PEPD: variants seen among roughly 807,000 people sequenced by gnomAD.
PEPD encodes xaa-Pro dipeptidase.
Under a neutral mutation model 60.7 loss-of-function variants are expected in PEPD, and 53 were observed. The observed-to-expected ratio is 0.87, with a 90% confidence interval of 0.70 to 1.10. The LOEUF is 1.10. Among genes scored for constraint, PEPD ranks in the 50% least tolerant of loss-of-function variants. The probability of loss-of-function intolerance (pLI) is 0.00; values close to 1 mark genes in which losing one functional copy is unlikely to be tolerated. For synonymous variants in PEPD, 267 were observed against 284.1 expected, an observed-to-expected ratio of 0.94 and a Z score of 0.60; for missense variants, 711 against 711.9, an observed-to-expected ratio of 1.00 and a Z score of 0.01.
chr19:33,395,306 GC>G, intron 12 of PEPD, among the ~76,000 whole-genome samples: 1 of 152,300 alleles, frequency 6.6e-6, no homozygotes, highest in South Asian at 2.1e-4. Flanking sequence ...CAAGGGTGGT[GC>G]CCGTACTCTG....
At chr19:33,469,688 C>T (rs1970087769) in intron 7 of PEPD, among the ~76,000 whole-genome samples, 1 of 152,162 alleles carries the variant, frequency 6.6e-6, no homozygotes, top group Non-Finnish European at 1.5e-5. Flanking sequence ...GAAACAGCTT[C>T]CTCTACAAGT....
At chr19:33,510,134 G>A (rs73041146) in intron 3 of PEPD, among the ~76,000 whole-genome samples, 6,029 of 152,276 alleles carry the variant, frequency 0.04, 155 homozygotes, top group Non-Finnish European at 0.06. Context: ...TTTCACAGAC[G>A]GAGAAGCTAG....
chr19:33,438,696 T>C (rs1050788585), intron 9 of PEPD, among the ~76,000 whole-genome samples: 7 of 152,200 alleles, frequency 4.6e-5, no homozygotes, highest in Non-Finnish European at 1.0e-4. Context: ...TACCAACCAA[T>C]GGCAACCCTG....
intron 9 of PEPD, among the ~76,000 whole-genome samples, chr19:33,461,158 C>T (rs113774732): frequency 1.3e-5 from 2 of 152,176 alleles, no homozygotes; most frequent in African/African-American, 4.8e-5. Context: ...AACTGGAATA[C>T]CTACTGAGGT....
At position 33,512,748 on chromosome 19, in the gene PEPD, G is replaced by C; in HGVS notation, c.46C>G (p.Leu16Val). ...GPSFWLGNET[L>V]KVPLALFALN... is the part of the protein sequence containing the mutation. ...GCAAAGAGCGCCAGCGGCACCTTCA[G>C]GGTTTCATTCCCCAGCCAAAACGAG... is the stretch of plus-strand genomic sequence containing the variant. Residue 16 changes from leucine (L) to valine (V), a missense_variant, in exon 2 of 15, where the codon CTG (leucine) becomes GTG (valine). Physicochemically the swap from Leu to Val is conservative, Grantham distance 32. Coordinates refer to ENST00000244137, the MANE Select transcript of PEPD (RefSeq NM_000285.4). The C allele has an allele frequency of 6.2e-7, 1 of 1,614,140 alleles. No individual in the cohort carries two copies. The highest frequency in any genetic ancestry group is 1.6e-4 in the Middle Eastern group (1 of 6,062).
At chr19:33,448,607 G>C (rs1969637355) in intron 9 of PEPD, among the ~76,000 whole-genome samples, 1 of 151,834 alleles carries the variant, frequency 6.6e-6, no homozygotes, top group Admixed American at 6.6e-5. Flanking sequence ...TCTTTTGATA[G>C]AGATGCTGGT....
intron 9 of PEPD, among the ~76,000 whole-genome samples, chr19:33,441,437 C>T (rs1179293657): frequency 6.6e-6 from 1 of 152,232 alleles, no homozygotes; most frequent in Non-Finnish European, 1.5e-5. Flanking sequence ...GGAAATACGG[C>T]CGCCTGCAAG....
chr19:33,410,633 G>C (rs1968742243), intron 11 of PEPD, among the ~76,000 whole-genome samples: 1 of 152,100 alleles, frequency 6.6e-6, no homozygotes, highest in Non-Finnish European at 1.5e-5. Context: ...AGGCAGCCCA[G>C]CTGGGCGCCA....
chr19:33,519,997 G>A (rs1041687876), intron 1 of PEPD, among the ~76,000 whole-genome samples: 1 of 151,914 alleles, frequency 6.6e-6, no homozygotes, highest in African/African-American at 2.4e-5. Flanking sequence ...AACCTGGGAG[G>A]TGGAGGTTGC....
intron 11 of PEPD, among the ~76,000 whole-genome samples, chr19:33,411,242 G>A (rs1968761772): frequency 6.6e-6 from 1 of 152,208 alleles, no homozygotes; most frequent in Non-Finnish European, 1.5e-5. Context: ...GAGGATGGCA[G>A]GTTTCAGAGC....
intron 9 of PEPD, among the ~76,000 whole-genome samples, chr19:33,444,027 G>T (rs1408953644): frequency 6.6e-6 from 1 of 152,216 alleles, no homozygotes; most frequent in South Asian, 2.1e-4. Flanking sequence ...TGAGAAGAGT[G>T]TGTAATGGGT....
Position 33,402,779 on chromosome 19 carries a change from C to T in PEPD, c.819-910G>A, listed in dbSNP as rs1297867129. Among the ~76,000 whole-genome samples the T allele has an allele frequency of 4.6e-5, 7 of 152,132 alleles. No individual in the cohort carries two copies. The South Asian group carries it at 8.3e-4, about 18-fold the overall frequency. Reference sequence around the variant, plus strand: ...GGGCAGAGGTGCCAGCTGTCCAGGACGGGAGGGGCCTGGGGGCCAGCAGAG... The same window carrying T: ...GGGCAGAGGTGCCAGCTGTCCAGGATGGGAGGGGCCTGGGGGCCAGCAGAG... On this transcript the variant is annotated intron_variant, in intron 11 of 14. Coordinates refer to ENST00000244137, the MANE Select transcript of PEPD (RefSeq NM_000285.4).
At chr19:33,465,697 C>T (rs1366348261) in intron 7 of PEPD, among the ~76,000 whole-genome samples, 1 of 152,160 alleles carries the variant, frequency 6.6e-6, no homozygotes. Flanking sequence ...GGAACCCAAC[C>T]TAGAACAGGT....
intron 6 of PEPD, among the ~76,000 whole-genome samples, chr19:33,483,425 C>T (rs1438718120): frequency 6.6e-6 from 1 of 152,154 alleles, no homozygotes; most frequent in African/African-American, 2.4e-5. Context: ...CTGTGTGACA[C>T]AGAGCTCAAG....
At chr19:33,432,010 A>AAAAAAAAAAAAAAAAAAAAAAAAAAG (rs1031542443) in intron 9 of PEPD, among the ~76,000 whole-genome samples, 4 of 147,602 alleles carry the variant, frequency 2.7e-5, no homozygotes, top group African/African-American at 1.0e-4. Flanking sequence ...AAAAAAAAAA[A>AAAAAAAAAAAAAAAAAAAAAAAAAAG]GGGAAGATTA....
rs372789699 is a variant in PEPD, at chr19:33,513,197, C to T, written c.18-421G>A. Reference sequence around the variant, plus strand: ...CCCTACCAGGCAGGCCCCTGGCTCCCGGCTCAACCTCCCTGCTAGAGGCCA... The same window carrying T: ...CCCTACCAGGCAGGCCCCTGGCTCCTGGCTCAACCTCCCTGCTAGAGGCCA... On this transcript the variant is annotated intron_variant, in intron 1 of 14. Coordinates refer to ENST00000244137, the MANE Select transcript of PEPD (RefSeq NM_000285.4). Among the ~76,000 whole-genome samples, 10 of 152,144 alleles carry T rather than the reference C, an allele frequency of 6.6e-5. No homozygotes were observed. In the East Asian group the frequency reaches 7.7e-4, roughly 12 times the overall value.
At chr19:33,454,148 G>C (rs899975926) in intron 9 of PEPD, among the ~76,000 whole-genome samples, 1 of 152,122 alleles carries the variant, frequency 6.6e-6, no homozygotes, top group Non-Finnish European at 1.5e-5. Flanking sequence ...CGCAATGCCA[G>C]AAAGGAAGGG....
intron 11 of PEPD, among the ~76,000 whole-genome samples, chr19:33,402,497 T>C (rs1968520869): frequency 6.6e-6 from 1 of 152,152 alleles, no homozygotes; most frequent in African/African-American, 2.4e-5. Context: ...GCTGCAGCTC[T>C]GGGGCCCCCT....
At chr19:33,466,791 TAAAA>T (rs568395610) in intron 7 of PEPD, among the ~76,000 whole-genome samples, 24 of 151,670 alleles carry the variant, frequency 1.6e-4, no homozygotes, top group African/African-American at 5.8e-4. Flanking sequence ...TTTTTTCTAA[TAAAA>T]AAACCATTCT....
Sources: gnomAD v4.1 joint callset for allele counts (sites outside exome capture counted in the v4.1 genomes callset) on GRCh38, gnomAD v4.1.1 for gene constraint, MANE v1.5 for transcripts, NCBI Gene and HGNC (gene_info 2026-07-23, HGNC 2026-07-21) for gene names.